CSMD2: variants seen among roughly 807,000 people sequenced by gnomAD.
CSMD2 encodes CUB and Sushi multiple domains 2, also known as CUB and sushi domain-containing protein 2.
A neutral mutation model predicts 398.5 loss-of-function variants in CSMD2; 130 were observed. That is an observed-to-expected ratio of 0.33 (90% CI 0.28 to 0.38). The LOEUF (loss-of-function observed/expected upper bound fraction) is 0.38. Ranked by LOEUF, CSMD2 falls within the 10% of genes least tolerant of loss-of-function variation. The pLI is 1.00. For missense variants in CSMD2, 3,829 were observed against 4,764.9 expected, an observed-to-expected ratio of 0.80 and a Z score of 5.78; for synonymous variants, 1,828 against 1,908.5, an observed-to-expected ratio of 0.96 and a Z score of 1.10.
rs557996876 is a variant in CSMD2 at position 33,907,477 on chromosome 1, G to A, written c.920+10617C>T. On this transcript the variant is annotated intron_variant, in intron 5 of 70. Coordinates refer to ENST00000373381, the MANE Select transcript of CSMD2 (RefSeq NM_001281956.2). ...GATTTCAGGAGGAGGCTGGAGGGTT[G>A]AAGAGTGGGAGTGAAGTAGGTAAGG... Among the ~76,000 whole-genome samples the A allele has an allele frequency of 2.1e-3, 323 of 152,200 alleles. 1 individual carries two copies. The highest frequency in any genetic ancestry group is 3.4e-3 in the Non-Finnish European group (233 of 67,992).
rs1211500538 is a variant in CSMD2, at chr1:33,537,127, T to C, written c.9806-32A>G. 6.2e-7 allele frequency: 1 copy of C among 1,612,494 alleles called. No individual in the cohort carries two copies. The highest frequency in any genetic ancestry group is 8.5e-7 in the Non-Finnish European group (1 of 1,178,556). ...GGCCAAAACAAAGACACAGATCACATGGTCATGGAAGCCTTCACGGCCTCA... is the reference window on the plus strand; with the variant it reads ...GGCCAAAACAAAGACACAGATCACACGGTCATGGAAGCCTTCACGGCCTCA... On this transcript the variant is annotated intron_variant, in intron 61 of 70. Transcript: ENST00000373381. This position sits in a 1 kb window ranked among gnomAD's most constrained non-coding sequence, Gnocchi z 4.6.
chr1:33,918,451 T>C (rs1570500295), intron 4 of CSMD2, 150 bp from the exon 5 acceptor site: 6 of 696,276 alleles, frequency 8.6e-6, no homozygotes, highest in Admixed American at 5.5e-5. Flanking sequence ...ATGACTTTGT[T>C]TGGACAAGTC....
intron 5 of CSMD2, among the ~76,000 whole-genome samples, chr1:33,907,597 C>T (rs887332087): frequency 1.8e-4 from 27 of 152,152 alleles, no homozygotes; most frequent in African/African-American, 5.6e-4. Flanking sequence ...AGATCTACCT[C>T]GTCCATGAAG....
At chr1:33,908,290 A>AG (rs893920194) in intron 5 of CSMD2, among the ~76,000 whole-genome samples, 6 of 152,146 alleles carry the variant, frequency 3.9e-5, no homozygotes, top group Non-Finnish European at 8.8e-5. Context: ...AGAGACCAGG[A>AG]GGGGGCCTTG....
At chr1:34,074,963 G>A (rs1006476115) in intron 2 of CSMD2, among the ~76,000 whole-genome samples, 7 of 152,212 alleles carry the variant, frequency 4.6e-5, no homozygotes, top group Non-Finnish European at 1.0e-4. Flanking sequence ...GGCGAGGTCA[G>A]GTTCCCCAGT....
At chr1:33,591,579 A>G (rs1639460119) in intron 44 of CSMD2, among the ~76,000 whole-genome samples, 1 of 152,168 alleles carries the variant, frequency 6.6e-6, no homozygotes, top group African/African-American at 2.4e-5. Flanking sequence ...AATATAAAAT[A>G]AACATTTTCC....
At position 33,602,400 on chromosome 1, in the gene CSMD2, T is replaced by C; in HGVS notation, c.6679A>G (p.Thr2227Ala). The stretch of plus-strand genomic sequence containing the variant: ...GTGATGAAATCTCCAGAGGGCTCTG[T>C]CTGCAGCAGGCTGAGGTTGAGGCGG... ...GVRLNLSLLQ[T>A]EPSGDFITIW... Residue 2227 changes from threonine to alanine, a missense_variant, in exon 43 of 71, where the codon ACA becomes GCA. By Grantham distance (58) the Thr-to-Ala change is moderately conservative. Coordinates refer to ENST00000373381, the MANE Select transcript of CSMD2 (RefSeq NM_001281956.2). The C allele has an allele frequency of 6.2e-7, 1 of 1,613,892 alleles. No individual in the cohort carries two copies. Among genetic ancestry groups the C allele is most frequent in the South Asian group, 1.1e-5 (1 of 91,044 alleles).
Position 33,533,731 on chromosome 1 carries a change from A to T in CSMD2, c.9991+65T>A. 2.9e-6 allele frequency: 3 copies of T among 1,030,718 alleles called. No individual in the cohort carries two copies. The South Asian group carries it at 3.9e-5, about 14-fold the overall frequency. 63.8% of individuals were successfully genotyped at this position (1,030,718 alleles called of 1,614,324 possible). ...TCCCTGTCATTCAGAGCATTCAAACATGACCCAGATGCCCAGCTGGGGCAA... is the reference window on the plus strand; with the variant it reads ...TCCCTGTCATTCAGAGCATTCAAACTTGACCCAGATGCCCAGCTGGGGCAA... On this transcript the variant is annotated intron_variant, in intron 63 of 70. Coordinates refer to ENST00000373381, the MANE Select transcript of CSMD2 (RefSeq NM_001281956.2). This position sits in a 1 kb window ranked among gnomAD's most constrained non-coding sequence, Gnocchi z 4.2.
intron 5 of CSMD2, among the ~76,000 whole-genome samples, chr1:33,900,864 C>T (rs1410681932): frequency 6.6e-6 from 1 of 152,086 alleles, no homozygotes; most frequent in Non-Finnish European, 1.5e-5. Context: ...CATGGTAGCT[C>T]TCAAAGTGAT....
chr1:33,828,346 A>C (rs1447186918), intron 6 of CSMD2, among the ~76,000 whole-genome samples: 1 of 149,996 alleles, frequency 6.7e-6, no homozygotes, highest in South Asian at 2.1e-4. Context: ...CCAGCACCAC[A>C]ACAACAATTT....
chr1:33,692,317 G>A (rs571099160), intron 25 of CSMD2, among the ~76,000 whole-genome samples: 12 of 152,212 alleles, frequency 7.9e-5, no homozygotes, highest in African/African-American at 2.6e-4. Context: ...TACCACTGCT[G>A]GTCTTTTGCT....
chr1:34,057,492 C>A (rs1050550259), intron 2 of CSMD2, among the ~76,000 whole-genome samples: 1 of 152,170 alleles, frequency 6.6e-6, no homozygotes, highest in Non-Finnish European at 1.5e-5. Context: ...CTCCTAGCAA[C>A]ACTACAGCAC....
intron 13 of CSMD2, among the ~76,000 whole-genome samples, chr1:33,762,223 C>T (rs907256414): frequency 1.3e-5 from 2 of 152,240 alleles, no homozygotes; most frequent in Non-Finnish European, 2.9e-5. Flanking sequence ...GAACTTCAAG[C>T]TCCAGCTTTT....
rs563299437 is a variant in CSMD2, at chr1:33,912,049, G to A, written c.920+6045C>T. Among the ~76,000 whole-genome samples, 10 of 152,226 alleles carry A rather than the reference G, an allele frequency of 6.6e-5. 1 individual carries two copies. The East Asian group carries it at 1.9e-3, about 29-fold the overall frequency. ...TCTCAAGTGCAGCCTCTGCCTTGAG[G>A]CCTTGGTCTCCTGCCCCAGGACAGT... On this transcript the variant is annotated intron_variant, in intron 5 of 70. Coordinates refer to ENST00000373381, the MANE Select transcript of CSMD2 (RefSeq NM_001281956.2).
chr1:33,940,161 G>A (rs1330301754), intron 3 of CSMD2, among the ~76,000 whole-genome samples: 3 of 152,086 alleles, frequency 2.0e-5, no homozygotes, highest in Non-Finnish European at 4.4e-5. Context: ...TCCTTGGCTT[G>A]CAGATGCGTC....
chr1:33,854,982 T>C (rs1489082713), intron 5 of CSMD2, among the ~76,000 whole-genome samples: 1 of 152,180 alleles, frequency 6.6e-6, no homozygotes, highest in Non-Finnish European at 1.5e-5. Context: ...GCTGCTCAGC[T>C]GGCAGAGCTG....
chr1:33,695,417 G>A (rs933134370), intron 24 of CSMD2, among the ~76,000 whole-genome samples: 2 of 152,130 alleles, frequency 1.3e-5, no homozygotes, highest in African/African-American at 4.8e-5. Context: ...GGTACAGCAG[G>A]GGTGAAACTG....
intron 2 of CSMD2, 59 bp from the exon 3 acceptor site, chr1:34,032,765 G>T: frequency 8.1e-7 from 1 of 1,227,304 alleles, no homozygotes; most frequent in Non-Finnish European, 1.2e-6. Flanking sequence ...ACACATCCAC[G>T]AAGCATTTAT....
At chr1:33,985,146 T>C (rs1031743138) in intron 3 of CSMD2, among the ~76,000 whole-genome samples, 1 of 152,170 alleles carries the variant, frequency 6.6e-6, no homozygotes, top group African/African-American at 2.4e-5. Context: ...CACCAGCAGG[T>C]CGATGGAGGG....
Sources: gnomAD v4.1 joint callset for allele counts (sites outside exome capture counted in the v4.1 genomes callset) on GRCh38, gnomAD v4.1.1 for gene constraint, Gnocchi (gnomAD v3.1) non-coding constraint, MANE v1.5 for transcripts, NCBI Gene and HGNC (gene_info 2026-07-23, HGNC 2026-07-21) for gene names.